AGPAT3: variants seen among roughly 807,000 people sequenced by gnomAD.
The protein encoded by AGPAT3 is 1-acylglycerol-3-phosphate O-acyltransferase 3.
In AGPAT3, 5 loss-of-function variants were observed where a neutral mutation model predicts 47.3. That is an observed-to-expected ratio of 0.11 (90% confidence interval 0.06 to 0.22). AGPAT3 has a LOEUF of 0.22. AGPAT3 is among the 10% of genes least tolerant of loss of function. The pLI is 1.00. For synonymous variants in AGPAT3, 212 were observed against 208.3 expected, an observed-to-expected ratio of 1.02 and a Z score of -0.15; for missense variants, 315 against 493.0, an observed-to-expected ratio of 0.64 and a Z score of 3.42.
chr21:43,962,001 CTCT>C (rs1388722911), intron 3 of AGPAT3, among the ~76,000 whole-genome samples: 1 of 147,268 alleles, frequency 6.8e-6, no homozygotes, highest in Admixed American at 6.6e-5. Flanking sequence ...TTTGTTTTTT[CTCT>C]TTTTTTTTTT....
intron 2 of AGPAT3, among the ~76,000 whole-genome samples, chr21:43,953,256 C>T (rs931929476): frequency 6.6e-6 from 1 of 152,220 alleles, no homozygotes; most frequent in Non-Finnish European, 1.5e-5. Context: ...CGGGGCCCTG[C>T]ATCCCCGCAG....
chr21:43,963,694 T>G (rs1601438579), intron 3 of AGPAT3, among the ~76,000 whole-genome samples: 2 of 117,682 alleles, frequency 1.7e-5, no homozygotes, highest in African/African-American at 3.5e-5. Context: ...GGTGACAGAG[T>G]GAGACTCTGT....
At chr21:43,911,439 C>A (rs1296854125) in intron 2 of AGPAT3, among the ~76,000 whole-genome samples, 1 of 152,260 alleles carries the variant, frequency 6.6e-6, no homozygotes, top group Non-Finnish European at 1.5e-5. Context: ...CCTGTCCAGG[C>A]CAACGCAGCG....
intron 1 of AGPAT3, among the ~76,000 whole-genome samples, chr21:43,870,236 T>A (rs902530003): frequency 3.3e-5 from 5 of 152,138 alleles, no homozygotes; most frequent in African/African-American, 1.2e-4. Context: ...GACACACGTG[T>A]TTCAGTGCAC....
chr21:43,969,490 T>C (rs2089303539), intron 5 of AGPAT3, among the ~76,000 whole-genome samples: 1 of 152,146 alleles, frequency 6.6e-6, no homozygotes, highest in African/African-American at 2.4e-5. Flanking sequence ...CAATCCCAGC[T>C]CTGACCAGGC....
At chr21:43,942,583 G>A (rs567241620) in intron 2 of AGPAT3, among the ~76,000 whole-genome samples, 1 of 152,256 alleles carries the variant, frequency 6.6e-6, no homozygotes, top group Non-Finnish European at 1.5e-5. Flanking sequence ...GGAACCCTCT[G>A]TGCTCGGTCC....
At chr21:43,904,274 G>A (rs759858468) in intron 2 of AGPAT3, among the ~76,000 whole-genome samples, 4 of 152,154 alleles carry the variant, frequency 2.6e-5, no homozygotes, top group Non-Finnish European at 5.9e-5. Context: ...CTCTTCCTGC[G>A]AGGGATGAGC....
intron 1 of AGPAT3, among the ~76,000 whole-genome samples, chr21:43,896,357 C>T (rs2086217609): frequency 6.6e-6 from 1 of 152,190 alleles, no homozygotes. Context: ...CCTTATGGCC[C>T]AGCACACGGT....
intron 2 of AGPAT3, among the ~76,000 whole-genome samples, chr21:43,916,676 C>T (rs537447017): frequency 3.3e-5 from 5 of 151,466 alleles, no homozygotes; most frequent in Non-Finnish European, 7.4e-5. Context: ...CGAATGTTGT[C>T]CTTTTAGTAG....
chr21:43,963,238 T>C (rs2088961902), intron 3 of AGPAT3, among the ~76,000 whole-genome samples: 1 of 152,134 alleles, frequency 6.6e-6, no homozygotes, highest in Admixed American at 6.6e-5. Flanking sequence ...AAATAGGGCT[T>C]TGGCCCCCAT....
chr21:43,877,970 C>G (rs964691765), intron 1 of AGPAT3, among the ~76,000 whole-genome samples: 44 of 152,070 alleles, frequency 2.9e-4, no homozygotes, highest in African/African-American at 1.0e-3. Flanking sequence ...CCTGCCCCAC[C>G]ACCAGCCTCG....
intron 1 of AGPAT3, among the ~76,000 whole-genome samples, chr21:43,886,847 T>C (rs773542122): frequency 2.6e-5 from 4 of 152,236 alleles, no homozygotes. Flanking sequence ...CATCCGTCTC[T>C]TGATGGACAT....
chr21:43,958,957 G>A (rs2088652420), intron 2 of AGPAT3, among the ~76,000 whole-genome samples: 2 of 129,816 alleles, frequency 1.5e-5, no homozygotes, highest in South Asian at 5.2e-4. Context: ...GCGTGTATGT[G>A]GTTTTGCGGT....
intron 2 of AGPAT3, among the ~76,000 whole-genome samples, chr21:43,956,071 C>T (rs1398219241): frequency 6.6e-6 from 1 of 152,100 alleles, no homozygotes; most frequent in African/African-American, 2.4e-5. Context: ...GTGATGTGTG[C>T]CCCTGGGTGA....
At chr21:43,978,214 C>T (rs1304301173) in intron 8 of AGPAT3, 93 bp downstream of exon 8, 5 of 993,424 alleles carry the variant, frequency 5.0e-6, no homozygotes, top group Middle Eastern at 3.0e-4. Context: ...GTGGGAACTC[C>T]GTGGGAGACA....
chr21:43,872,401 G>A (rs1016192807), intron 1 of AGPAT3, among the ~76,000 whole-genome samples: 1 of 152,130 alleles, frequency 6.6e-6, no homozygotes, highest in African/African-American at 2.4e-5. Context: ...GGCTGGTCTC[G>A]AACTCCTGAC....
intron 2 of AGPAT3, among the ~76,000 whole-genome samples, chr21:43,942,846 C>G (rs2087711089): frequency 6.6e-6 from 1 of 152,166 alleles, no homozygotes; most frequent in Non-Finnish European, 1.5e-5. Context: ...CTCATCTGGG[C>G]TCAGGGAGAC....
intron 7 of AGPAT3, among the ~76,000 whole-genome samples, chr21:43,977,550 G>A (rs2089664485): frequency 6.6e-6 from 1 of 152,218 alleles, no homozygotes; most frequent in South Asian, 2.1e-4. Context: ...GCGGATGCCT[G>A]AGGAGAAGCT....
Position 43,971,409 on chromosome 21 carries a change from C to T in AGPAT3, c.686C>T (p.Thr229Ile). 1 of 1,614,246 alleles carries T rather than the reference C, an allele frequency of 6.2e-7. No individual in the cohort carries two copies. The highest frequency in any genetic ancestry group is 8.5e-7 in the Non-Finnish European group (1 of 1,180,032). Reference sequence around the variant, plus strand: ...ACAGTCGCAGCTGTCTATGATGTAACCCTGAACTTCAGAGGAAACAAGAAC... The same window carrying T: ...ACAGTCGCAGCTGTCTATGATGTAATCCTGAACTTCAGAGGAAACAAGAAC... ...RGTVAAVYDV[T>I]LNFRGNKNPS... Residue 229 changes from threonine (T) to isoleucine (I), a missense_variant, in exon 7 of 10, where the codon ACC (threonine) becomes ATC (isoleucine). Transcript: ENST00000291572.
Sources: allele counts gnomAD v4.1 joint callset (sites outside exome capture counted in the v4.1 genomes callset), GRCh38; gene constraint gnomAD v4.1.1; transcripts MANE v1.5; gene names NCBI Gene and HGNC (gene_info 2026-07-23, HGNC 2026-07-21).